The following ALPK2 variants were observed in gnomAD, a reference collection of about 807,000 sequenced individuals.
The protein encoded by ALPK2 is alpha-protein kinase 2.
A neutral mutation model predicts 163.1 loss-of-function variants in ALPK2; 127 were observed. That is an observed-to-expected ratio of 0.78 (90% CI 0.67 to 0.90). The LOEUF is 0.90. Ranked by LOEUF, ALPK2 falls within the 40% of genes least tolerant of loss-of-function variation. The pLI, the probability that ALPK2 is intolerant of heterozygous loss-of-function variation, is 0.00. For missense variants in ALPK2, 2,360 were observed against 2,589.6 expected (o/e 0.91, Z 1.92); for synonymous variants, 953 against 959.1 (o/e 0.99, Z 0.12).
intron 5 of ALPK2, among the ~76,000 whole-genome samples, chr18:58,534,399 A>G (rs552161852): frequency 2.2e-4 from 34 of 152,370 alleles, no homozygotes; most frequent in African/African-American, 7.7e-4. Context: ...ATTTCCACAA[A>G]TCCTGCTTAG....
intron 9 of ALPK2, among the ~76,000 whole-genome samples, chr18:58,515,501 A>C (rs2051516641): frequency 6.6e-6 from 1 of 152,208 alleles, no homozygotes; most frequent in Non-Finnish European, 1.5e-5. Flanking sequence ...ACAGCACAGG[A>C]TTTCTGCCTT....
intron 4 of ALPK2, among the ~76,000 whole-genome samples, chr18:58,571,618 T>C (rs996280903): frequency 6.6e-6 from 1 of 151,970 alleles, no homozygotes; most frequent in Non-Finnish European, 1.5e-5. Context: ...GCAAAATCCA[T>C]AAAAGGAAAA....
chr18:58,607,712 A>G (rs574517821), intron 2 of ALPK2, among the ~76,000 whole-genome samples: 1 of 152,316 alleles, frequency 6.6e-6, no homozygotes, highest in South Asian at 2.1e-4. Context: ...TCAACGTGCT[A>G]TTAAGAAAAA....
At chr18:58,586,596 G>T (rs1220996097) in intron 3 of ALPK2, among the ~76,000 whole-genome samples, 1 of 152,214 alleles carries the variant, frequency 6.6e-6, no homozygotes, top group East Asian at 1.9e-4. Context: ...GAGGGGGCAG[G>T]ACCCAGTTGG....
chr18:58,494,084 A>C (rs1040341491), intron 12 of ALPK2, among the ~76,000 whole-genome samples: 1 of 152,148 alleles, frequency 6.6e-6, no homozygotes, highest in African/African-American at 2.4e-5. Context: ...ATGGCTTTAG[A>C]TCGGTCTGGA....
intron 4 of ALPK2, among the ~76,000 whole-genome samples, chr18:58,562,901 G>T (rs1336431204): frequency 6.6e-6 from 1 of 152,128 alleles, no homozygotes; most frequent in African/African-American, 2.4e-5. Flanking sequence ...TTCTAATCTG[G>T]TCATGGGGCC....
In ALPK2 at chr18:58,493,392, C is replaced by T. The variant is rs181498322; in HGVS notation, c.6296+4657G>A. Among the ~76,000 whole-genome samples the T allele has an allele frequency of 2.5e-3, 384 of 152,206 alleles. 1 individual carries two copies. The highest frequency in any genetic ancestry group is 4.4e-3 in the Non-Finnish European group (301 of 67,988). ...AGCCTATTCTCGGGGCGTGTTTCTT[C>T]GGATTAGATTGTTTCTTCCCACCTC... On this transcript the variant is annotated intron_variant, in intron 12 of 12. Coordinates refer to ENST00000361673, the MANE Select transcript of ALPK2 (RefSeq NM_052947.4).
At chr18:58,588,977 A>C (rs2052001532) in intron 3 of ALPK2, among the ~76,000 whole-genome samples, 2 of 152,156 alleles carry the variant, frequency 1.3e-5, no homozygotes, top group Admixed American at 1.3e-4. Context: ...GGTATGTTTG[A>C]ATATTTTTAG....
At chr18:58,552,576 A>T (rs2051765564) in intron 4 of ALPK2, among the ~76,000 whole-genome samples, 1 of 152,224 alleles carries the variant, frequency 6.6e-6, no homozygotes, top group South Asian at 2.1e-4. Context: ...ACATTCATTA[A>T]TTCCTTTATT....
At chr18:58,540,157 C>G (rs1341759701) in intron 4 of ALPK2, among the ~76,000 whole-genome samples, 1 of 152,188 alleles carries the variant, frequency 6.6e-6, no homozygotes, top group East Asian at 1.9e-4. Context: ...TAGCGATTAG[C>G]ATGCGGTAGA....
chr18:58,575,600 G>A (rs993390308), intron 4 of ALPK2, among the ~76,000 whole-genome samples: 2 of 152,178 alleles, frequency 1.3e-5, no homozygotes, highest in African/African-American at 2.4e-5. Context: ...TGTGGCTGCC[G>A]AGAAACTTAA....
intron 10 of ALPK2, among the ~76,000 whole-genome samples, chr18:58,505,045 C>G (rs959725992): frequency 2.0e-5 from 3 of 152,086 alleles, no homozygotes; most frequent in Non-Finnish European, 4.4e-5. Flanking sequence ...ATTTGGAAAA[C>G]TTTCCCCTTT....
At chr18:58,529,897 A>C (rs1470246017) in intron 5 of ALPK2, among the ~76,000 whole-genome samples, 2 of 152,234 alleles carry the variant, frequency 1.3e-5, no homozygotes, top group African/African-American at 4.8e-5. Context: ...AGGAACAATT[A>C]GCATGCTAAT....
intron 4 of ALPK2, among the ~76,000 whole-genome samples, chr18:58,543,028 A>G (rs541427546): frequency 6.6e-6 from 1 of 152,186 alleles, no homozygotes; most frequent in Non-Finnish European, 1.5e-5. Flanking sequence ...AGAGGGATTA[A>G]TCCATTTATG....
At chr18:58,512,693 C>T (rs953734685) in intron 10 of ALPK2, among the ~76,000 whole-genome samples, 4 of 114,498 alleles carry the variant, frequency 3.5e-5, no homozygotes, top group South Asian at 3.2e-4. Context: ...GTGGTATGTT[C>T]GTGTGGTGTG....
chr18:58,523,494 A>T (rs905866274), intron 8 of ALPK2, among the ~76,000 whole-genome samples: 66 of 152,214 alleles, frequency 4.3e-4, no homozygotes, highest in Non-Finnish European at 7.3e-4. Context: ...CACCACACCG[A>T]CTTCCACAAT....
chr18:58,484,373 A>G (rs745887445), intron 12 of ALPK2, among the ~76,000 whole-genome samples: 4 of 152,210 alleles, frequency 2.6e-5, no homozygotes, highest in Non-Finnish European at 5.9e-5. Flanking sequence ...AAGAAGACAG[A>G]TATCAAGTCA....
At position 58,558,848 on chromosome 18, in the gene ALPK2, G is replaced by A. The variant is rs532737988; in HGVS notation, c.1962+19966C>T. 1.6e-4 allele frequency among the ~76,000 whole-genome samples: 25 copies of A among 152,326 alleles called. No individual in the cohort carries two copies. The East Asian group carries it at 4.2e-3, about 26-fold the overall frequency. ...CAAAAGCCATCTACTGTATGATTAC[G>A]TTTATACAAAATGTCCAGAACAGGC... On this transcript the variant is annotated intron_variant, in intron 4 of 12. Transcript: ENST00000361673.
At chr18:58,489,516 C>A (rs1038402460) in intron 12 of ALPK2, among the ~76,000 whole-genome samples, 4 of 147,226 alleles carry the variant, frequency 2.7e-5, no homozygotes, top group Non-Finnish European at 6.0e-5. Flanking sequence ...TGAGACCCCA[C>A]CCCTACAAAA....
Sources: gnomAD v4.1 joint callset for allele counts (sites outside exome capture counted in the v4.1 genomes callset) on GRCh38, gnomAD v4.1.1 for gene constraint, MANE v1.5 for transcripts, NCBI Gene and HGNC (gene_info 2026-07-23, HGNC 2026-07-21) for gene names.